The following GLIS3 variants were observed in gnomAD, a reference collection of about 807,000 sequenced individuals.
The protein encoded by GLIS3 is zinc finger protein GLIS3.
In GLIS3, 53 loss-of-function variants were observed where a neutral mutation model predicts 78.6. The ratio of observed to expected loss-of-function variants is 0.67; its 90% CI spans 0.54 to 0.85. The LOEUF is 0.85. GLIS3 is among the 40% of genes least tolerant of loss of function. The pLI is 0.00. For missense variants in GLIS3, 1,703 were observed against 1,231.1 expected (o/e 1.38, Z -5.74); for synonymous variants, 684 against 509.9 (o/e 1.34, Z -4.60).
chr9:4,379,819 G>A, the GLIS3 span, among the ~76,000 whole-genome samples: 3 of 152,146 alleles, frequency 2.0e-5, no homozygotes, highest in Middle Eastern at 3.2e-3. Context: ...GCAAAAGACA[G>A]GTGCAAAAAG....
chr9:4,023,495 C>G (rs10974282), intron 4 of GLIS3, among the ~76,000 whole-genome samples: 13,042 of 152,228 alleles, frequency 0.086, 694 homozygotes, highest in Middle Eastern at 0.12. Flanking sequence ...GCCAAAAACT[C>G]CAGACGGTGG....
intron 2 of GLIS3, among the ~76,000 whole-genome samples, chr9:4,132,734 A>G (rs1341588143): frequency 6.6e-6 from 1 of 152,176 alleles, no homozygotes; most frequent in Non-Finnish European, 1.5e-5. Flanking sequence ...GCTGGGTCAT[A>G]TAAAATGATA....
intron 7 of GLIS3, among the ~76,000 whole-genome samples, chr9:3,894,483 A>G (rs939524182): frequency 4.6e-5 from 7 of 152,240 alleles, no homozygotes; most frequent in Non-Finnish European, 8.8e-5. Context: ...TAAAACATGT[A>G]CCATAAAATT....
intron 2 of GLIS3, among the ~76,000 whole-genome samples, chr9:4,259,677 C>G (rs969903242): frequency 6.6e-6 from 1 of 152,140 alleles, no homozygotes; most frequent in Admixed American, 6.5e-5. Flanking sequence ...CAAGATAATG[C>G]TTAACCTAGC....
intron 4 of GLIS3, among the ~76,000 whole-genome samples, chr9:3,982,731 C>G (rs1264834274): frequency 6.6e-6 from 1 of 152,184 alleles, no homozygotes; most frequent in Non-Finnish European, 1.5e-5. Context: ...GTTTCAAACT[C>G]TTTTCTTCAT....
chr9:4,260,978 C>T (rs1423346924), intron 2 of GLIS3, among the ~76,000 whole-genome samples: 1 of 152,154 alleles, frequency 6.6e-6, no homozygotes, highest in African/African-American at 2.4e-5. Flanking sequence ...AAATTACATC[C>T]ATGGCTCACA....
intron 2 of GLIS3, among the ~76,000 whole-genome samples, chr9:4,268,532 T>A (rs1402216550): frequency 2.0e-5 from 3 of 152,154 alleles, no homozygotes; most frequent in Non-Finnish European, 4.4e-5. Flanking sequence ...AATAATATGG[T>A]TTAGTGTACT....
At chr9:4,120,922 T>C (rs1340496013) in intron 3 of GLIS3, among the ~76,000 whole-genome samples, 2 of 152,252 alleles carry the variant, frequency 1.3e-5, no homozygotes, top group Admixed American at 6.5e-5. Context: ...TGCTCCACTG[T>C]TGAGAGATGA....
chr9:4,161,357 T>C (rs1394428166), intron 2 of GLIS3, among the ~76,000 whole-genome samples: 1 of 152,114 alleles, frequency 6.6e-6, no homozygotes, highest in African/African-American at 2.4e-5. Context: ...AAAATTTCTG[T>C]TTTAGCATTT....
chr9:3,829,669 C>T (rs762382932), intron 9 of GLIS3, among the ~76,000 whole-genome samples, 177 bp from the exon 10 acceptor site: 15 of 152,144 alleles, frequency 9.9e-5, no homozygotes, highest in Admixed American at 2.6e-4. Flanking sequence ...GGCTGAAGCT[C>T]TTCTACCTTA....
intron 2 of GLIS3, among the ~76,000 whole-genome samples, chr9:4,184,679 G>A (rs35638232): frequency 1.3e-5 from 2 of 152,132 alleles, no homozygotes; most frequent in South Asian, 2.1e-4. Context: ...CCTGGTTGGA[G>A]GGGAGATTTA....
In GLIS3 at chr9:3,826,742, T is replaced by C. The variant is rs1240144548; in HGVS notation, c.*1530A>G. 2 of 152,230 alleles carry C rather than the reference T, an allele frequency of 1.3e-5. No homozygotes were observed. The highest frequency in any genetic ancestry group is 1.9e-4 in the East Asian group (1 of 5,204). 9.4% of individuals were successfully genotyped at this position (152,230 alleles called of 1,614,324 possible). A position where few individuals can be genotyped will look rare whatever the true frequency, so the allele number is the denominator to read the frequency against. On this transcript the variant is annotated 3_prime_UTR_variant, in exon 11 of 11. Transcript: ENST00000381971. Reference sequence around the variant, plus strand: ...GAATCCCATCTAACATCAAGCTGTTTTAGTTGTCTTGTTGAAGATTGTAAT... The same window carrying C: ...GAATCCCATCTAACATCAAGCTGTTCTAGTTGTCTTGTTGAAGATTGTAAT...
At chr9:4,349,445 C>T (rs934643533), upstream of GLIS3, among the ~76,000 whole-genome samples, 4 of 152,234 alleles carry the variant, frequency 2.6e-5, no homozygotes, top group East Asian at 7.7e-4. Context: ...ATACAATACC[C>T]TCTCGTAGAG....
At chr9:4,261,702 T>C (rs1825543675) in intron 2 of GLIS3, among the ~76,000 whole-genome samples, 1 of 152,162 alleles carries the variant, frequency 6.6e-6, no homozygotes, top group Admixed American at 6.5e-5. Context: ...CCTTTCATCT[T>C]TGTCAATGGC....
the GLIS3 span, among the ~76,000 whole-genome samples, chr9:4,404,675 T>A: frequency 1.3e-5 from 2 of 151,986 alleles, no homozygotes; most frequent in Admixed American, 1.3e-4. Flanking sequence ...AAACAAATGA[T>A]AACGGAAACA....
At chr9:3,835,348 G>T (rs915266947) in intron 9 of GLIS3, among the ~76,000 whole-genome samples, 1 of 152,166 alleles carries the variant, frequency 6.6e-6, no homozygotes, top group African/African-American at 2.4e-5. Context: ...ACATCAGGAA[G>T]GTTCCCCAGA....
intron 2 of GLIS3, chr9:4,147,785 G>T (rs991333393): frequency 2.0e-5 from 3 of 149,988 alleles, no homozygotes; most frequent in Non-Finnish European, 4.4e-5. Context: ...CACCTTTCTG[G>T]AAGCAAAGTT....
the GLIS3 span, among the ~76,000 whole-genome samples, chr9:4,414,986 C>G: frequency 6.6e-6 from 1 of 152,190 alleles, no homozygotes; most frequent in South Asian, 2.1e-4. Context: ...GGAATTGAGC[C>G]TAGTTCTATA....
chr9:3,932,432 G>C lies in GLIS3; in HGVS notation c.1911C>G (p.Arg637=). 2 of 1,613,762 alleles carry C rather than the reference G, an allele frequency of 1.2e-6. No individual in the cohort carries two copies. The highest frequency in any genetic ancestry group is 1.7e-6 in the Non-Finnish European group (2 of 1,179,750). The part of the protein sequence containing the change: ...YACQIPGCTK[R]YTDPSSLRKH... ...TTCTTAGGGAACTTGGGTCTGTGTAGCGTTTGGTACATCCTGGAATTTGAC... is the reference window on the plus strand; with the variant it reads ...TTCTTAGGGAACTTGGGTCTGTGTACCGTTTGGTACATCCTGGAATTTGAC... The change falls in exon 6 of 11, where the codon CGC becomes CGG. Residue 637 remains arginine (R), a synonymous_variant. Coordinates refer to ENST00000381971, the MANE Select transcript of GLIS3 (RefSeq NM_001042413.2).
Sources: gnomAD v4.1 joint callset for allele counts (sites outside exome capture counted in the v4.1 genomes callset) on GRCh38, gnomAD v4.1.1 for gene constraint, MANE v1.5 for transcripts, NCBI Gene and HGNC (gene_info 2026-07-23, HGNC 2026-07-21) for gene names.